Variants in GRAMD1B observed in about 807,000 individuals in gnomAD.
GRAMD1B encodes protein Aster-B.
A neutral mutation model predicts 99.7 loss-of-function variants in GRAMD1B; 37 were observed. The observed-to-expected ratio is 0.37, with a 90% CI of 0.29 to 0.49. The LOEUF (loss-of-function observed/expected upper bound fraction) is 0.49, where lower values mean the gene tolerates loss of function less well. Among genes scored for constraint, GRAMD1B ranks in the 20% least tolerant of loss-of-function variants. The pLI, the probability that GRAMD1B is intolerant of heterozygous loss-of-function variation, is 0.98. For missense variants in GRAMD1B, 888 were observed against 1,009.2 expected (o/e 0.88, Z 1.63); for synonymous variants, 427 against 387.6 (o/e 1.10, Z -1.19).
chr11:123,372,806 T>C (rs1946570426), intron 1 of GRAMD1B, among the ~76,000 whole-genome samples: 1 of 152,210 alleles, frequency 6.6e-6, no homozygotes, highest in Admixed American at 6.5e-5. Context: ...ATTTATAATA[T>C]GTCACTCTCT....
At chr11:123,461,797 G>A (rs1950426157) in intron 1 of GRAMD1B, among the ~76,000 whole-genome samples, 1 of 151,644 alleles carries the variant, frequency 6.6e-6, no homozygotes, top group Admixed American at 6.6e-5. Context: ...TAGAGACGGG[G>A]GTTTCACCAT....
At chr11:123,424,043 T>C (rs1565489772) in intron 1 of GRAMD1B, among the ~76,000 whole-genome samples, 1 of 152,106 alleles carries the variant, frequency 6.6e-6, no homozygotes, top group Non-Finnish European at 1.5e-5. Context: ...TTCCACATTT[T>C]TCCCCTGCCC....
chr11:123,460,731 A>G (rs1468894775), intron 1 of GRAMD1B, among the ~76,000 whole-genome samples: 1 of 152,274 alleles, frequency 6.6e-6, no homozygotes, highest in African/African-American at 2.4e-5. Flanking sequence ...AGGGAAGGGG[A>G]GGCAGGAAGC....
chr11:123,385,636 C>T (rs1947028801), intron 1 of GRAMD1B, among the ~76,000 whole-genome samples: 1 of 152,216 alleles, frequency 6.6e-6, no homozygotes, highest in Admixed American at 6.5e-5. Context: ...TCCCACTGCA[C>T]TTCCCTTCTG....
intron 2 of GRAMD1B, among the ~76,000 whole-genome samples, chr11:123,490,738 G>A (rs1482784541): frequency 6.6e-6 from 1 of 152,188 alleles, no homozygotes; most frequent in East Asian, 1.9e-4. Flanking sequence ...CAGCTAGGGG[G>A]TGCCATCTAT....
chr11:123,531,730 G>GGT (rs750510512), intron 2 of GRAMD1B, among the ~76,000 whole-genome samples: 3 of 78,080 alleles, frequency 3.8e-5, no homozygotes, highest in African/African-American at 1.3e-4. Context: ...TTGCTAGATG[G>GGT]TTTTTTTTTT....
At chr11:123,437,136 C>T (rs1949198623) in intron 1 of GRAMD1B, among the ~76,000 whole-genome samples, 1 of 152,132 alleles carries the variant, frequency 6.6e-6, no homozygotes, top group East Asian at 1.9e-4. Flanking sequence ...GCCACATTTT[C>T]TTAATCCAGT....
At chr11:123,526,176 G>A (rs1942717310) in intron 2 of GRAMD1B, 1 of 1,612,162 alleles carries the variant, frequency 6.2e-7, no homozygotes, top group Non-Finnish European at 8.5e-7. Flanking sequence ...CTCCTGGTAA[G>A]TAGAGGAGGG....
At chr11:123,573,917 G>A (rs1458086824) in intron 2 of GRAMD1B, among the ~76,000 whole-genome samples, 1 of 152,154 alleles carries the variant, frequency 6.6e-6, no homozygotes, top group Non-Finnish European at 1.5e-5. Context: ...GCCCTGCTGG[G>A]TCGTGTGGGG....
intron 2 of GRAMD1B, among the ~76,000 whole-genome samples, chr11:123,522,206 A>T (rs1443439517): frequency 2.0e-5 from 3 of 152,212 alleles, no homozygotes; most frequent in Non-Finnish European, 4.4e-5. Context: ...GTGAGAAGAT[A>T]AAGAGGGAAG....
At chr11:123,397,067 C>T (rs187285931) in intron 1 of GRAMD1B, among the ~76,000 whole-genome samples, 3 of 152,132 alleles carry the variant, frequency 2.0e-5, no homozygotes, top group African/African-American at 7.2e-5. Flanking sequence ...GAATGTTTCC[C>T]ATTACCCTAA....
At position 123,400,767 on chromosome 11, in the gene GRAMD1B, G is replaced by A. The variant is rs561251953; in HGVS notation, c.-176+41968G>A. 1.3e-3 allele frequency among the ~76,000 whole-genome samples: 193 copies of A among 152,196 alleles called. 3 individuals carry two copies. The highest frequency in any genetic ancestry group is 4.5e-3 in the African/African-American group (185 of 41,516). ...TAGGATTTCAACATATGAATTACAG[G>A]GAAACATAATATTCAGTCTACAGTA... On this transcript the variant is annotated intron_variant, in intron 1 of 20. Coordinates refer to the GRAMD1B transcript ENST00000638157.
At chr11:123,502,331 A>G (rs1041766750) in intron 2 of GRAMD1B, among the ~76,000 whole-genome samples, 2 of 152,148 alleles carry the variant, frequency 1.3e-5, no homozygotes, top group Admixed American at 1.3e-4. Flanking sequence ...GAATGATGCA[A>G]ACGTGCATGT....
chr11:123,591,240 A>G lies in GRAMD1B; in HGVS notation c.685-2842A>G, dbSNP rs1275365166. The G allele has an allele frequency of 7.6e-6, 3 of 394,840 alleles. No homozygotes were observed. The highest frequency in any genetic ancestry group is 1.3e-5 in the Non-Finnish European group (3 of 224,076). 24.5% of individuals were successfully genotyped at this position (394,840 alleles called of 1,614,324 possible). A position where few individuals can be genotyped will look rare whatever the true frequency, so the allele number is the denominator to read the frequency against. ...ATGCAGCTCTAGGAGCAGAAAGGAC[A>G]CCTGTCAGAGTCACACAGGCCCTCT... On this transcript the variant is annotated intron_variant, in intron 4 of 19. Coordinates refer to ENST00000635736, the MANE Select transcript of GRAMD1B (RefSeq NM_001387025.1). This position sits in a 1 kb window ranked among gnomAD's most constrained non-coding sequence, Gnocchi z 4.7.
intron 17 of GRAMD1B, among the ~76,000 whole-genome samples, chr11:123,617,214 C>T (rs186956916): frequency 1.4e-5 from 2 of 139,392 alleles, no homozygotes; most frequent in African/African-American, 5.4e-5. Flanking sequence ...GACAGGTTCT[C>T]ACTCTGTTGC....
At chr11:123,542,631 G>A (rs769018310) in intron 2 of GRAMD1B, among the ~76,000 whole-genome samples, 11 of 152,176 alleles carry the variant, frequency 7.2e-5, no homozygotes, top group Non-Finnish European at 1.5e-4. Flanking sequence ...AGAGAATGAT[G>A]CCAGCAAGTA....
upstream of GRAMD1B, among the ~76,000 whole-genome samples, chr11:123,429,068 C>T (rs930216110): frequency 3.9e-5 from 6 of 152,144 alleles, no homozygotes; most frequent in Admixed American, 2.0e-4. This position sits in a 1 kb window ranked among gnomAD's most constrained non-coding sequence, Gnocchi z 4.0. Flanking sequence ...TGGTGCGCAC[C>T]TGTACTCCCA....
At chr11:123,489,713 G>A (rs544741586) in intron 2 of GRAMD1B, among the ~76,000 whole-genome samples, 1 of 152,302 alleles carries the variant, frequency 6.6e-6, no homozygotes, top group African/African-American at 2.4e-5. Flanking sequence ...GAGAAATAGG[G>A]AGGATACCTA....
chr11:123,479,620 T>A (rs1195863031), intron 1 of GRAMD1B, among the ~76,000 whole-genome samples: 1 of 152,176 alleles, frequency 6.6e-6, no homozygotes, highest in African/African-American at 2.4e-5. Flanking sequence ...ATAGAACCTA[T>A]GTAAAACAGG....
Sources: gnomAD v4.1 joint callset for allele counts (sites outside exome capture counted in the v4.1 genomes callset) on GRCh38, gnomAD v4.1.1 for gene constraint, Gnocchi (gnomAD v3.1) non-coding constraint, MANE v1.5 for transcripts, NCBI Gene and HGNC (gene_info 2026-07-23, HGNC 2026-07-21) for gene names.